Variants in SGCZ observed in about 807,000 individuals in gnomAD.
SGCZ encodes the protein zeta-sarcoglycan.
SGCZ carries 40 observed loss-of-function variants against 41.3 expected under a neutral mutation model. That is an observed-to-expected ratio of 0.97 (90% CI 0.75 to 1.26). The LOEUF (loss-of-function observed/expected upper bound fraction) is 1.26. Among genes scored for constraint, SGCZ ranks in the 50% most tolerant of loss-of-function variants. The probability of loss-of-function intolerance (pLI) is 0.00; values close to 1 mark genes in which losing one functional copy is unlikely to be tolerated. For synonymous variants in SGCZ, 206 were observed against 137.5 expected, an observed-to-expected ratio of 1.50 and a Z score of -3.49; for missense variants, 552 against 369.8, an observed-to-expected ratio of 1.49 and a Z score of -4.04.
chr8:14,279,059 G>A (rs926011675), intron 3 of SGCZ, among the ~76,000 whole-genome samples: 2 of 151,998 alleles, frequency 1.3e-5, no homozygotes, highest in African/African-American at 4.8e-5. Flanking sequence ...GGAAGATATT[G>A]TGCCACTTCT....
rs910189111 is a variant in SGCZ at position 14,594,443 on chromosome 8, A to C, written c.40-39517T>G. On this transcript the variant is annotated intron_variant, in intron 1 of 7. Coordinates refer to ENST00000382080, the MANE Select transcript of SGCZ (RefSeq NM_139167.4). ...CACTTTCTAACTATGTAATACCTTA[A>C]CTTCAGTGATTTTCAGTTTTCTTTC... is the stretch of plus-strand genomic sequence containing the variant. Among the ~76,000 whole-genome samples, 12 of 152,104 alleles carry C rather than the reference A, an allele frequency of 7.9e-5. No individual in the cohort carries two copies. In the East Asian group the frequency reaches 2.3e-3, roughly 30 times the overall value.
At chr8:14,166,503 C>A (rs1156743677) in intron 4 of SGCZ, among the ~76,000 whole-genome samples, 1 of 152,262 alleles carries the variant, frequency 6.6e-6, no homozygotes, top group African/African-American at 2.4e-5. Context: ...CCCAGGCACA[C>A]ATTAACCCTG....
At chr8:14,860,788 G>C (rs944294635) in intron 1 of SGCZ, among the ~76,000 whole-genome samples, 3 of 152,084 alleles carry the variant, frequency 2.0e-5, no homozygotes, top group Non-Finnish European at 4.4e-5. Context: ...TCTCTACCAA[G>C]AACAGCTTCA....
chr8:14,237,403 C>T (rs547958547), intron 4 of SGCZ, among the ~76,000 whole-genome samples, 189 bp downstream of exon 4: 2 of 151,958 alleles, frequency 1.3e-5, no homozygotes, highest in East Asian at 1.9e-4. Flanking sequence ...CAGATGACCC[C>T]GATTGCTTGA....
At position 14,090,505 on chromosome 8, in the gene SGCZ, G is replaced by A. The variant is rs776828285; in HGVS notation, c.877C>T (p.Leu293Phe). Residue 293 changes from leucine (L) to phenylalanine (F), a missense_variant, in exon 8 of 8, where the codon CTT becomes TTT. Physicochemically the swap from Leu to Phe is conservative, Grantham distance 22 (BLOSUM62 0). Transcript: ENST00000382080. ...LCVCPNGKLYLSPAGVGSTCQ... is the reference protein window; with the variant it reads ...LCVCPNGKLYFSPAGVGSTCQ... ...GTGGAACCTACTCCTGCTGGAGAAA[G>A]GTAAAGTTTGCCATTGGGGCAGACG... 8.7e-6 allele frequency: 14 copies of A among 1,612,892 alleles called. No individual in the cohort carries two copies. In the South Asian group the frequency reaches 9.9e-5, roughly 11 times the overall value.
intron 2 of SGCZ, among the ~76,000 whole-genome samples, chr8:14,524,840 A>T (rs887454145): frequency 6.6e-6 from 1 of 151,726 alleles, no homozygotes; most frequent in Non-Finnish European, 1.5e-5. Context: ...TGTTTTTTTT[A>T]AAGCAAATAA....
chr8:14,767,274 G>C (rs1033857882), intron 1 of SGCZ, among the ~76,000 whole-genome samples: 3 of 152,170 alleles, frequency 2.0e-5, no homozygotes, highest in African/African-American at 7.2e-5. Context: ...AGGAAGCCCA[G>C]AGTAGGTGAC....
rs79682599 is a variant in SGCZ at position 14,507,443 on chromosome 8, C to G, written c.234+47289G>C. On this transcript the variant is annotated intron_variant, in intron 2 of 7. Transcript: ENST00000382080. ...AATTTATTAGATACAATGATCTACA[C>G]AATATGTCACATGCCTTCAAAAATT... 7.0e-3 allele frequency among the ~76,000 whole-genome samples: 1,061 copies of G among 152,330 alleles called. 8 individuals are homozygous for G. The highest frequency in any genetic ancestry group is 0.01 in the Non-Finnish European group (694 of 68,034).
chr8:14,125,330 C>T (rs191543637), intron 5 of SGCZ, among the ~76,000 whole-genome samples: 13 of 151,948 alleles, frequency 8.6e-5, no homozygotes, highest in African/African-American at 2.7e-4. Flanking sequence ...GGTGAAACCC[C>T]GTCTTTACTA....
intron 2 of SGCZ, among the ~76,000 whole-genome samples, chr8:14,458,806 G>A (rs11995134): frequency 0.045 from 6,882 of 152,110 alleles, 484 homozygotes; most frequent in African/African-American, 0.16. Flanking sequence ...ACCAAACACA[G>A]AGCTCTTGGT....
intron 1 of SGCZ, among the ~76,000 whole-genome samples, chr8:14,954,354 T>C (rs1029507072): frequency 2.6e-5 from 4 of 152,194 alleles, no homozygotes; most frequent in Non-Finnish European, 4.4e-5. Flanking sequence ...AGACAGACTC[T>C]ATCTGCCTTC....
At chr8:15,023,596 T>C (rs1030170639) in intron 1 of SGCZ, among the ~76,000 whole-genome samples, 1 of 152,214 alleles carries the variant, frequency 6.6e-6, no homozygotes, top group Non-Finnish European at 1.5e-5. Context: ...ATTAAAACTA[T>C]TCAGAAAGCT....
intron 1 of SGCZ, among the ~76,000 whole-genome samples, chr8:15,110,875 G>C (rs1440534167): frequency 6.6e-6 from 1 of 152,164 alleles, no homozygotes; most frequent in African/African-American, 2.4e-5. Context: ...GGCTGAGGCA[G>C]GAGAATCACT....
intron 3 of SGCZ, among the ~76,000 whole-genome samples, chr8:14,310,535 A>C (rs56738802): frequency 0.29 from 43,620 of 151,888 alleles, 6,811 homozygotes; most frequent in South Asian, 0.51. Context: ...TTTAAGTTTT[A>C]GGGTACATGT....
rs1801622052 is a variant in SGCZ, at chr8:14,089,534, AATT to A, written c.*906_*908del. On this transcript the variant is annotated 3_prime_UTR_variant, in exon 8 of 8. Coordinates refer to ENST00000382080, the MANE Select transcript of SGCZ (RefSeq NM_139167.4). Reference sequence around the variant, plus strand: ...GTGCAGAGTGAGTGGAGCAAACAAAAATTATACTATTAAAACCTAGGTGTAAAG... The same window carrying A: ...GTGCAGAGTGAGTGGAGCAAACAAAAATACTATTAAAACCTAGGTGTAAAG... Among the ~76,000 whole-genome samples the A allele has an allele frequency of 6.6e-6, 1 of 151,958 alleles. No individual in the cohort carries two copies. Among genetic ancestry groups the A allele is most frequent in the Non-Finnish European group, 1.5e-5 (1 of 67,942 alleles).
At chr8:14,228,464 A>G (rs560830115) in intron 4 of SGCZ, among the ~76,000 whole-genome samples, 148 of 152,224 alleles carry the variant, frequency 9.7e-4, no homozygotes, top group African/African-American at 3.4e-3. Context: ...TTACTTTAAT[A>G]TTAAAATTCA....
At chr8:14,676,517 C>T (rs943213740) in intron 1 of SGCZ, among the ~76,000 whole-genome samples, 30 of 152,160 alleles carry the variant, frequency 2.0e-4, no homozygotes, top group Non-Finnish European at 4.1e-4. Context: ...GACTCCATCT[C>T]TATCAGAGTA....
At chr8:14,471,359 A>G (rs573452119) in intron 2 of SGCZ, among the ~76,000 whole-genome samples, 8 of 152,282 alleles carry the variant, frequency 5.3e-5, no homozygotes, top group Non-Finnish European at 1.0e-4. Context: ...AAATAGTACT[A>G]TTGTACTAAA....
At position 14,381,405 on chromosome 8, in the gene SGCZ, T is replaced by C. The variant is rs536993135; in HGVS notation, c.235-57201A>G. ...AATGGGGTGTCATAAAAGATGATAA[T>C]CCATATTTTACCACTTCCTGCCCCC... On this transcript the variant is annotated intron_variant, in intron 2 of 7. Transcript: ENST00000382080. Among the ~76,000 whole-genome samples, 158 of 152,170 alleles carry C rather than the reference T, an allele frequency of 1.0e-3. 1 individual carries two copies. The highest frequency in any genetic ancestry group is 3.4e-3 in the Middle Eastern group (1 of 294).
Sources: gnomAD v4.1 joint callset for allele counts (sites outside exome capture counted in the v4.1 genomes callset) on GRCh38, gnomAD v4.1.1 for gene constraint, MANE v1.5 for transcripts, NCBI Gene and HGNC (gene_info 2026-07-23, HGNC 2026-07-21) for gene names.